Variants in GABRB1 observed in about 807,000 individuals in gnomAD.
GABRB1 encodes gamma-aminobutyric acid receptor subunit beta-1.
In GABRB1, 17 loss-of-function variants were observed where a neutral mutation model predicts 51.6. That is an observed-to-expected ratio of 0.33 (90% CI 0.23 to 0.49). The LOEUF is 0.49. GABRB1 is among the 20% of genes least tolerant of loss of function. The pLI, the probability that GABRB1 is intolerant of heterozygous loss-of-function variation, is 0.99. For synonymous variants in GABRB1, 247 were observed against 218.9 expected (o/e 1.13, Z -1.14); for missense variants, 410 against 600.6 (o/e 0.68, Z 3.32).
chr4:47,311,060 C>CAA (rs34566582), intron 4 of GABRB1, among the ~76,000 whole-genome samples: 1,999 of 51,330 alleles, frequency 0.039, 117 homozygotes, highest in East Asian at 0.063. Flanking sequence ...AACTCTGTCT[C>CAA]AAAAAAAAAA....
chr4:47,174,331 T>C (rs1435276788), intron 4 of GABRB1, among the ~76,000 whole-genome samples: 2 of 152,134 alleles, frequency 1.3e-5, no homozygotes, highest in Non-Finnish European at 2.9e-5. Context: ...CCTTGCAGTG[T>C]TGGGATTACA....
chr4:47,201,929 CT>C (rs952170907), intron 4 of GABRB1, among the ~76,000 whole-genome samples: 32 of 152,196 alleles, frequency 2.1e-4, no homozygotes, highest in African/African-American at 7.0e-4. Context: ...CTCTTGTAGC[CT>C]TCAGGAATGG....
intron 4 of GABRB1, among the ~76,000 whole-genome samples, chr4:47,162,033 A>G (rs1717976508): frequency 6.6e-6 from 1 of 152,112 alleles, no homozygotes; most frequent in Non-Finnish European, 1.5e-5. Context: ...TCATTTGCAC[A>G]GTAAAATAAC....
chr4:47,136,928 A>G (rs896289968), intron 3 of GABRB1, among the ~76,000 whole-genome samples: 7 of 152,130 alleles, frequency 4.6e-5, no homozygotes, highest in African/African-American at 1.7e-4. Context: ...TAGAAGGCAA[A>G]GTTTTCAACT....
chr4:47,190,183 G>T (rs530242122), intron 4 of GABRB1, among the ~76,000 whole-genome samples: 77 of 152,166 alleles, frequency 5.1e-4, no homozygotes, highest in African/African-American at 1.8e-3. Flanking sequence ...ACCTGACAAG[G>T]TTTCCCTGAA....
chr4:47,001,420 G>T (rs745555217), intron 1 of GABRB1, among the ~76,000 whole-genome samples: 1 of 152,184 alleles, frequency 6.6e-6, no homozygotes, highest in Non-Finnish European at 1.5e-5. Flanking sequence ...GGAATTACAG[G>T]TGTGAGCCAC....
At chr4:47,176,678 G>A (rs1431055917) in intron 4 of GABRB1, among the ~76,000 whole-genome samples, 1 of 152,080 alleles carries the variant, frequency 6.6e-6, no homozygotes, top group Non-Finnish European at 1.5e-5. Flanking sequence ...AGATAAAATG[G>A]AGATGAGGTC....
intron 5 of GABRB1, among the ~76,000 whole-genome samples, chr4:47,398,555 T>C (rs1335141369): frequency 6.6e-6 from 1 of 151,706 alleles, no homozygotes; most frequent in East Asian, 1.9e-4. Flanking sequence ...TTCTCATATA[T>C]ATAGAGAGAG....
intron 3 of GABRB1, among the ~76,000 whole-genome samples, chr4:47,081,120 A>C (rs1037508800): frequency 6.6e-6 from 1 of 152,198 alleles, no homozygotes; most frequent in African/African-American, 2.4e-5. Flanking sequence ...ATACCTCCTT[A>C]AGATGACATA....
At chr4:47,249,456 T>C (rs753810121) in intron 4 of GABRB1, among the ~76,000 whole-genome samples, 1 of 152,148 alleles carries the variant, frequency 6.6e-6, no homozygotes. Context: ...AAAAGTTCCA[T>C]GCACTGTTGA....
chr4:47,055,364 T>C (rs1272661942), intron 3 of GABRB1, among the ~76,000 whole-genome samples: 3 of 152,202 alleles, frequency 2.0e-5, no homozygotes, highest in African/African-American at 7.2e-5. Flanking sequence ...AATTAAATGT[T>C]CTCCATTAAT....
At chr4:47,286,640 A>G (rs1424519123) in intron 4 of GABRB1, among the ~76,000 whole-genome samples, 1 of 152,226 alleles carries the variant, frequency 6.6e-6, no homozygotes, top group Admixed American at 6.5e-5. Context: ...TTGAGCTTAG[A>G]TAGTAAGTAA....
rs57552192 is a variant in GABRB1, at chr4:47,408,860, C to T, written c.1080+1934C>T. On this transcript the variant is annotated intron_variant, in intron 8 of 8. Coordinates refer to ENST00000295454, the MANE Select transcript of GABRB1 (RefSeq NM_000812.4). ...TTAATTGATAAGTCACGAGGGAAAA[C>T]CCTACCCAAAAAAGGTGGAATAGGT... Among the ~76,000 whole-genome samples the T allele has an allele frequency of 6.8e-3, 1,030 of 152,200 alleles. 10 individuals are homozygous for T. Among genetic ancestry groups the T allele is most frequent in the African/African-American group, 0.024 (985 of 41,522 alleles).
rs1175048632 is a variant in GABRB1, at chr4:47,019,619, T to TTCTCTCTCTC, written c.-19-12286_-19-12285insCTCTCTCTCT. Among the ~76,000 whole-genome samples the TTCTCTCTCTC allele has an allele frequency of 1.0e-3, 112 of 108,090 alleles. 1 individual carries two copies. The highest frequency in any genetic ancestry group is 2.0e-3 in the African/African-American group (55 of 27,478). 70.9% of individuals were successfully genotyped at this position (108,090 alleles called of 152,430 possible). A position where few individuals can be genotyped will look rare whatever the true frequency, so the allele number is the denominator to read the frequency against. On this transcript the variant is annotated intron_variant, in intron 1 of 3. Coordinates refer to the GABRB1 transcript ENST00000513567. ...CTCCCTTCCTCCCTTCTTTCTTTCT[T>TTCTCTCTCTC]TCTCTCTCTTTCTTTCTTTCTTTCT...
chr4:47,282,067 G>T (rs937043514), intron 4 of GABRB1, among the ~76,000 whole-genome samples: 2 of 151,916 alleles, frequency 1.3e-5, no homozygotes, highest in South Asian at 4.2e-4. Context: ...AAGATGAATT[G>T]TTAAAATGAT....
intron 5 of GABRB1, among the ~76,000 whole-genome samples, chr4:47,371,790 G>T (rs4440195): frequency 0.53 from 80,262 of 151,876 alleles, 21,691 homozygotes; most frequent in African/African-American, 0.58. Flanking sequence ...GAGTTGTTTG[G>T]TTTTTTCTTG....
In GABRB1 at chr4:47,181,762, A is replaced by T. The variant is rs114893130; in HGVS notation, c.461+20293A>T. ...TACTATTTCCTCAAAGGCAAGATTT[A>T]ATGACATTTGTTTTATCTGTGTGTT... is the stretch of plus-strand genomic sequence containing the variant. On this transcript the variant is annotated intron_variant, in intron 4 of 8. Transcript: ENST00000295454. 9.5e-3 allele frequency among the ~76,000 whole-genome samples: 1,440 copies of T among 152,146 alleles called. 21 individuals are homozygous for T. Among genetic ancestry groups the T allele is most frequent in the African/African-American group, 0.033 (1,363 of 41,538 alleles).
At chr4:47,408,605 C>A (rs1014180869) in intron 8 of GABRB1, among the ~76,000 whole-genome samples, 1 of 152,154 alleles carries the variant, frequency 6.6e-6, no homozygotes, top group Non-Finnish European at 1.5e-5. Flanking sequence ...CCTCAAGAAT[C>A]TTCTGATCTT....
intron 4 of GABRB1, among the ~76,000 whole-genome samples, chr4:47,162,252 C>T (rs759529700): frequency 6.6e-6 from 1 of 151,994 alleles, no homozygotes; most frequent in Non-Finnish European, 1.5e-5. Flanking sequence ...GGTTCATATA[C>T]TATAAATCAA....
Sources: allele counts gnomAD v4.1 joint callset (sites outside exome capture counted in the v4.1 genomes callset), GRCh38; gene constraint gnomAD v4.1.1; transcripts MANE v1.5; gene names NCBI Gene and HGNC (gene_info 2026-07-23, HGNC 2026-07-21).